The following RGS6 variants were observed in gnomAD, a reference collection of about 807,000 sequenced individuals.
RGS6 encodes the protein regulator of G protein signaling 6.
A neutral mutation model predicts 78.5 loss-of-function variants in RGS6; 30 were observed. The observed-to-expected ratio is 0.38, with a 90% CI of 0.29 to 0.52. The LOEUF (loss-of-function observed/expected upper bound fraction) is 0.52, where lower values mean the gene tolerates loss of function less well. RGS6 is among the 20% of genes least tolerant of loss of function. The probability of loss-of-function intolerance (pLI) is 0.85; values close to 1 mark genes in which losing one functional copy is unlikely to be tolerated. For missense variants in RGS6, 495 were observed against 609.7 expected, an observed-to-expected ratio of 0.81 and a Z score of 1.98; for synonymous variants, 206 against 206.0, an observed-to-expected ratio of 1.00 and a Z score of 0.00.
At chr14:72,619,397 G>A in the RGS6 span, 1 of 1,535,414 alleles carries the variant, frequency 6.5e-7, no homozygotes, top group South Asian at 1.2e-5. Context: ...TTTAGTAGCA[G>A]CCCCTCTGCT....
At chr14:72,527,315 C>T (rs2097131324) in intron 15 of RGS6, among the ~76,000 whole-genome samples, 2 of 152,224 alleles carry the variant, frequency 1.3e-5, no homozygotes, top group Non-Finnish European at 2.9e-5. Flanking sequence ...TCTCAGCCAA[C>T]CAGTACTGAC....
At chr14:71,883,871 A>G in the RGS6 span, among the ~76,000 whole-genome samples, 1 of 146,480 alleles carries the variant, frequency 6.8e-6, no homozygotes, top group African/African-American at 2.4e-5. Context: ...GAAGTATCCT[A>G]GGTTTTGAGA....
chr14:71,890,871 T>G, the RGS6 span, among the ~76,000 whole-genome samples: 7 of 152,332 alleles, frequency 4.6e-5, no homozygotes, highest in Admixed American at 3.9e-4. Context: ...ATGCAGTACT[T>G]TTAAATAAAC....
intron 3 of RGS6, among the ~76,000 whole-genome samples, chr14:72,444,583 G>A (rs745499303): frequency 5.3e-5 from 8 of 152,172 alleles, no homozygotes; most frequent in African/African-American, 7.2e-5. Flanking sequence ...CTCCCTCAGC[G>A]TGGGATCTAC....
chr14:72,371,906 C>T (rs2083595285), intron 3 of RGS6, among the ~76,000 whole-genome samples: 1 of 152,188 alleles, frequency 6.6e-6, no homozygotes, highest in South Asian at 2.1e-4. Flanking sequence ...ACATCATGCT[C>T]TGGAGCAACA....
chr14:72,078,528 C>G (rs1442119544), intron 2 of RGS6, among the ~76,000 whole-genome samples: 1 of 152,176 alleles, frequency 6.6e-6, no homozygotes, highest in Non-Finnish European at 1.5e-5. Context: ...ATTCTCCCGC[C>G]TCAGCTTCCC....
chr14:71,903,238 T>C, the RGS6 span, among the ~76,000 whole-genome samples: 1 of 152,228 alleles, frequency 6.6e-6, no homozygotes, highest in African/African-American at 2.4e-5. Flanking sequence ...GGCAGCCATC[T>C]GTCTAGTTAC....
chr14:72,060,770 G>A (rs1047207285), intron 2 of RGS6, among the ~76,000 whole-genome samples: 41 of 152,098 alleles, frequency 2.7e-4, no homozygotes, highest in African/African-American at 9.9e-4. Context: ...CCTGGCGATG[G>A]GAGCTTTTGG....
At chr14:72,401,636 A>G (rs2153000780) in intron 3 of RGS6, among the ~76,000 whole-genome samples, 1 of 152,206 alleles carries the variant, frequency 6.6e-6, no homozygotes, top group Admixed American at 6.5e-5. Flanking sequence ...AGAAAAAAAA[A>G]AAAAGGAAAC....
intron 3 of RGS6, among the ~76,000 whole-genome samples, chr14:72,431,937 G>A (rs2094665282): frequency 6.6e-6 from 1 of 152,144 alleles, no homozygotes; most frequent in African/African-American, 2.4e-5. Flanking sequence ...GAATCTGGGG[G>A]TGAAGAGGGG....
intron 17 of RGS6, chr14:72,547,253 A>T: frequency 3.9e-6 from 6 of 1,535,618 alleles, no homozygotes; most frequent in Non-Finnish European, 5.2e-6. Context: ...GCAAGGCGAC[A>T]GCACTGCCAA....
chr14:72,145,760 G>A (rs1169807013), intron 2 of RGS6, among the ~76,000 whole-genome samples: 2 of 152,162 alleles, frequency 1.3e-5, no homozygotes, highest in Admixed American at 6.5e-5. Flanking sequence ...TGGGATTACA[G>A]GTGTGAACCA....
chr14:72,260,239 C>T (rs556291348), intron 2 of RGS6, among the ~76,000 whole-genome samples: 1 of 152,258 alleles, frequency 6.6e-6, no homozygotes, highest in East Asian at 1.9e-4. Flanking sequence ...TCAAGGTCCA[C>T]TTTGGCTTCT....
chr14:72,360,269 CCCAGCACTTT>C (rs1378109168), intron 3 of RGS6, among the ~76,000 whole-genome samples: 1 of 151,900 alleles, frequency 6.6e-6, no homozygotes, highest in East Asian at 1.9e-4. Flanking sequence ...GGCCTCTAAT[CCCAGCACTTT>C]GGGAGGCTGA....
intron 2 of RGS6, among the ~76,000 whole-genome samples, chr14:72,272,587 A>C (rs2060103966): frequency 6.6e-6 from 1 of 152,210 alleles, no homozygotes. Flanking sequence ...AAATCCTGAA[A>C]TAAGATACAG....
chr14:72,423,777 A>G (rs974710202), intron 3 of RGS6, among the ~76,000 whole-genome samples: 2 of 152,214 alleles, frequency 1.3e-5, no homozygotes, highest in African/African-American at 2.4e-5. Context: ...GCGACATGCA[A>G]TTTATACATA....
chr14:72,100,673 C>T lies in RGS6; in HGVS notation c.84+135798C>T, dbSNP rs562826331. The stretch of plus-strand genomic sequence containing the variant: ...CTTCACGTAGTTTTCCCAGCTTACT[C>T]AGTAAATATTTGTTCCCTAAATGAA... On this transcript the variant is annotated intron_variant, in intron 2 of 17. Coordinates refer to ENST00000553525, the MANE Select transcript of RGS6 (RefSeq NM_001204424.2). 9.4e-4 allele frequency among the ~76,000 whole-genome samples: 143 copies of T among 152,284 alleles called. 1 individual carries two copies. Among genetic ancestry groups the T allele is most frequent in the African/African-American group, 3.1e-3 (130 of 41,556 alleles).
At chr14:72,483,087 G>T (rs1598178409) in intron 12 of RGS6, among the ~76,000 whole-genome samples, 1 of 152,162 alleles carries the variant, frequency 6.6e-6, no homozygotes, top group African/African-American at 2.4e-5. Context: ...TTCTCTGCAA[G>T]CGTCCCCAAG....
At chr14:72,413,325 G>T (rs1380641071) in intron 3 of RGS6, among the ~76,000 whole-genome samples, 1 of 152,184 alleles carries the variant, frequency 6.6e-6, no homozygotes, top group East Asian at 1.9e-4. Flanking sequence ...TTATGTAATA[G>T]CCTTCTTTGT....
Sources: allele counts gnomAD v4.1 joint callset (sites outside exome capture counted in the v4.1 genomes callset), GRCh38; gene constraint gnomAD v4.1.1; transcripts MANE v1.5; gene names NCBI Gene and HGNC (gene_info 2026-07-23, HGNC 2026-07-21).